Variants in PLD5 observed in about 807,000 individuals in gnomAD.
PLD5 encodes inactive phospholipase D5.
Under a neutral mutation model 61.1 loss-of-function variants are expected in PLD5, and 36 were observed. That is an observed-to-expected ratio of 0.59 (90% CI 0.45 to 0.78). The LOEUF (loss-of-function observed/expected upper bound fraction) is 0.78. Ranked by LOEUF, PLD5 falls within the 30% of genes least tolerant of loss-of-function variation. PLD5 has a pLI of 0.00. For synonymous variants in PLD5, 243 were observed against 242.8 expected, an observed-to-expected ratio of 1.00 and a Z score of -0.01; for missense variants, 515 against 644.4, an observed-to-expected ratio of 0.80 and a Z score of 2.17.
Position 242,298,865 on chromosome 1 carries a change from T to G in PLD5, c.327-10335A>C, listed in dbSNP as rs192431823. Among the ~76,000 whole-genome samples the G allele has an allele frequency of 9.1e-3, 1,387 of 152,162 alleles. 11 individuals carry two copies. Among genetic ancestry groups the G allele is most frequent in the Non-Finnish European group, 0.015 (992 of 68,010 alleles). On this transcript the variant is annotated intron_variant, in intron 2 of 9. Transcript: ENST00000536534. ...AGAAAGGAACAATCAGAAAGAAACT[T>G]GAGGAGGATGAAGACAAAAGAGGAA... is the stretch of plus-strand genomic sequence containing the variant.
At chr1:242,180,187 T>C (rs988248645) in intron 5 of PLD5, among the ~76,000 whole-genome samples, 1 of 152,100 alleles carries the variant, frequency 6.6e-6, no homozygotes, top group Non-Finnish European at 1.5e-5. Flanking sequence ...AGGGCACTCA[T>C]TGTGAGATGT....
chr1:242,133,380 C>A (rs1368237057), intron 5 of PLD5, among the ~76,000 whole-genome samples: 1 of 152,202 alleles, frequency 6.6e-6, no homozygotes, highest in African/African-American at 2.4e-5. Context: ...AATTCTGTAA[C>A]CAGCACTCTT....
chr1:242,331,628 C>T (rs1221813580), intron 2 of PLD5, among the ~76,000 whole-genome samples: 3 of 152,150 alleles, frequency 2.0e-5, no homozygotes, highest in Non-Finnish European at 4.4e-5. Context: ...AGATACAAAG[C>T]AACATAATCA....
chr1:242,454,458 G>T (rs891519781), intron 1 of PLD5, among the ~76,000 whole-genome samples: 2 of 151,816 alleles, frequency 1.3e-5, no homozygotes, highest in Non-Finnish European at 2.9e-5. Context: ...GACTTAAATT[G>T]ATGTTGGCAG....
chr1:242,228,694 G>A (rs1047929014), intron 4 of PLD5, among the ~76,000 whole-genome samples: 6 of 151,832 alleles, frequency 4.0e-5, no homozygotes, highest in African/African-American at 1.5e-4. Context: ...GGTAGGGAGG[G>A]AGGGAAGGAA....
chr1:242,362,814 T>C (rs1661143321), intron 1 of PLD5, among the ~76,000 whole-genome samples: 1 of 152,262 alleles, frequency 6.6e-6, no homozygotes, highest in East Asian at 1.9e-4. Context: ...TCTGTACCCC[T>C]TTCCTGAGGG....
intron 1 of PLD5, among the ~76,000 whole-genome samples, chr1:242,480,398 T>C (rs1667733643): frequency 6.6e-6 from 1 of 152,172 alleles, no homozygotes; most frequent in Non-Finnish European, 1.5e-5. Flanking sequence ...GCTAAAATTC[T>C]GAAACCTCTA....
At chr1:242,284,119 C>CTTTTTTTTTTTTT (rs565165218) in intron 3 of PLD5, among the ~76,000 whole-genome samples, 8 of 75,948 alleles carry the variant, frequency 1.1e-4, no homozygotes, top group Non-Finnish European at 1.6e-4. Flanking sequence ...TTTCTTTTTC[C>CTTTTTTTTTTTTT]TTTTTTTTTT....
chr1:242,459,897 C>A (rs184451950), intron 1 of PLD5, among the ~76,000 whole-genome samples: 66 of 152,292 alleles, frequency 4.3e-4, no homozygotes, highest in African/African-American at 1.5e-3. Context: ...TAAACGCCCT[C>A]ATCTTGCCGC....
At chr1:242,494,056 T>TTTCCC (rs887125672) in intron 1 of PLD5, among the ~76,000 whole-genome samples, 4 of 130,752 alleles carry the variant, frequency 3.1e-5, no homozygotes, top group African/African-American at 1.2e-4. Context: ...ATGCTTCATG[T>TTTCCC]TTCCCTTCCC....
At chr1:242,495,486 G>T (rs1320730325) in intron 1 of PLD5, among the ~76,000 whole-genome samples, 2 of 152,008 alleles carry the variant, frequency 1.3e-5, no homozygotes, top group African/African-American at 4.8e-5. Flanking sequence ...CACAAGCAAA[G>T]ACGTAGCAAC....
intron 5 of PLD5, among the ~76,000 whole-genome samples, chr1:242,185,129 A>G (rs1667787291): frequency 6.6e-6 from 1 of 152,218 alleles, no homozygotes; most frequent in African/African-American, 2.4e-5. Flanking sequence ...TCCACCGGGA[A>G]CACATACATT....
chr1:242,289,730 T>C (rs1374505567), intron 2 of PLD5, among the ~76,000 whole-genome samples: 1 of 152,196 alleles, frequency 6.6e-6, no homozygotes, highest in Non-Finnish European at 1.5e-5. Context: ...CCGATTTGCA[T>C]TGCTGTATGC....
intron 6 of PLD5, among the ~76,000 whole-genome samples, chr1:242,116,577 C>T (rs147733496): frequency 2.0e-5 from 3 of 152,220 alleles, no homozygotes. Context: ...TCCCCACATG[C>T]GCTAGTGGTC....
chr1:242,444,482 ATATC>A (rs1666415603), intron 1 of PLD5, among the ~76,000 whole-genome samples: 1 of 151,600 alleles, frequency 6.6e-6, no homozygotes, highest in South Asian at 2.1e-4. Flanking sequence ...ATTTCTAACT[ATATC>A]TAATTTGTCC....
chr1:242,444,879 A>G (rs939315206), intron 1 of PLD5, among the ~76,000 whole-genome samples: 1 of 151,702 alleles, frequency 6.6e-6, no homozygotes, highest in African/African-American at 2.4e-5. Context: ...TATATTAAAG[A>G]GATGAGACCT....
At chr1:242,119,600 TAGA>T (rs1421762629) in intron 6 of PLD5, among the ~76,000 whole-genome samples, 2 of 152,194 alleles carry the variant, frequency 1.3e-5, no homozygotes, top group Non-Finnish European at 2.9e-5. Context: ...ATAAGCACGT[TAGA>T]AGATTTAAAT....
At chr1:242,307,639 G>A (rs1676458089) in intron 2 of PLD5, among the ~76,000 whole-genome samples, 2 of 152,112 alleles carry the variant, frequency 1.3e-5, no homozygotes, top group South Asian at 2.1e-4. Context: ...CACACTGTGT[G>A]TATGTGACTG....
intron 1 of PLD5, among the ~76,000 whole-genome samples, chr1:242,364,095 C>G (rs1002292688): frequency 1.3e-5 from 2 of 151,756 alleles, no homozygotes; most frequent in African/African-American, 4.8e-5. Flanking sequence ...ATCAAGAGGA[C>G]AGAACAGAAC....
Sources: allele counts gnomAD v4.1 joint callset (sites outside exome capture counted in the v4.1 genomes callset), GRCh38; gene constraint gnomAD v4.1.1; transcripts MANE v1.5; gene names NCBI Gene and HGNC (gene_info 2026-07-23, HGNC 2026-07-21).